DIAPH2: variants seen among roughly 807,000 people sequenced by gnomAD.
DIAPH2 encodes the protein diaphanous related formin 2, also known as protein diaphanous homolog 2.
In DIAPH2, 35 loss-of-function variants were observed where a neutral mutation model predicts 92.7. The ratio of observed to expected loss-of-function variants is 0.38; its 90% CI spans 0.29 to 0.50. The LOEUF is 0.50. Among genes scored for constraint, DIAPH2 ranks in the 20% least tolerant of loss-of-function variants. DIAPH2 has a pLI of 0.94. For synonymous variants in DIAPH2, 301 were observed against 280.4 expected (o/e 1.07, Z -0.73); for missense variants, 701 against 819.5 (o/e 0.86, Z 1.77).
intron 22 of DIAPH2, among the ~76,000 whole-genome samples, chrX:97,216,006 G>A (rs1200254277): frequency 8.9e-6 from 1 of 112,072 alleles, no homozygotes; most frequent in Non-Finnish European, 1.9e-5. Flanking sequence ...TAATGTCAGA[G>A]ACTTATTCAC....
chrX:96,789,224 T>C (rs1446234250), intron 4 of DIAPH2, among the ~76,000 whole-genome samples: 1 of 111,785 alleles, frequency 8.9e-6, no homozygotes, highest in East Asian at 2.8e-4. Context: ...GCAATATATG[T>C]GTGATGCACC....
intron 23 of DIAPH2, among the ~76,000 whole-genome samples, chrX:97,321,408 TAATA>T (rs2068892871): frequency 9.0e-6 from 1 of 110,877 alleles, no homozygotes; most frequent in Non-Finnish European, 1.9e-5. Context: ...TTATTTGCTT[TAATA>T]AATTATTATT....
At chrX:97,428,441 A>G (rs2070093011) in intron 25 of DIAPH2, among the ~76,000 whole-genome samples, 1 of 109,046 alleles carries the variant, frequency 9.2e-6, no homozygotes, top group East Asian at 2.9e-4. Context: ...AGACAGGAGA[A>G]TCGCTTGAAC....
At chrX:96,699,311 T>TA (rs1219316236) in intron 1 of DIAPH2, among the ~76,000 whole-genome samples, 2 of 112,150 alleles carry the variant, frequency 1.8e-5, no homozygotes, top group African/African-American at 6.5e-5. Context: ...GGCTTCGTGT[T>TA]ACGGATAAAT....
At chrX:96,942,439 T>C (rs1180555752) in intron 13 of DIAPH2, among the ~76,000 whole-genome samples, 1 of 111,243 alleles carries the variant, frequency 9.0e-6, no homozygotes, top group Non-Finnish European at 1.9e-5. Flanking sequence ...TGCATTACTA[T>C]TTAGAAACAT....
intron 26 of DIAPH2, among the ~76,000 whole-genome samples, chrX:97,552,535 A>C (rs946113899): frequency 2.0e-5 from 2 of 98,120 alleles, no homozygotes; most frequent in African/African-American, 7.4e-5. Flanking sequence ...TTCACTCATT[A>C]CTCTTTTGTT....
intron 4 of DIAPH2, among the ~76,000 whole-genome samples, chrX:96,800,721 T>C (rs1218605965): frequency 8.9e-6 from 1 of 112,429 alleles, no homozygotes; most frequent in Non-Finnish European, 1.9e-5. Context: ...TTGTAATTTA[T>C]GTATAGCTTT....
intron 22 of DIAPH2, among the ~76,000 whole-genome samples, chrX:97,176,694 A>AT (rs1360769585): frequency 9.1e-5 from 10 of 110,284 alleles, no homozygotes; most frequent in Non-Finnish European, 1.7e-4. Flanking sequence ...TGCCCGGCTA[A>AT]TTTTTTGTAT....
In DIAPH2 at chrX:97,404,004, C is replaced by T. The variant is rs369916033; in HGVS notation, c.3145+19960C>T. ...GTGTAGCTGGGATTACAGGCATGCA[C>T]CACCACGCCTAGCTAATTTTGTATT... On this transcript the variant is annotated intron_variant, in intron 25 of 26. Coordinates refer to ENST00000324765, the MANE Select transcript of DIAPH2 (RefSeq NM_006729.5). 2.7e-5 allele frequency among the ~76,000 whole-genome samples: 3 copies of T among 110,276 alleles called. No individual in the cohort carries two copies. In the East Asian group the frequency reaches 8.5e-4, roughly 31 times the overall value.
At chrX:97,384,527 C>T (rs1388959945) in intron 25 of DIAPH2, among the ~76,000 whole-genome samples, 1 of 111,717 alleles carries the variant, frequency 9.0e-6, no homozygotes, top group Admixed American at 9.6e-5. Context: ...TCTTGCACAG[C>T]TATAAACCTA....
chrX:97,572,263 G>A (rs1335481629), intron 26 of DIAPH2, among the ~76,000 whole-genome samples: 1 of 111,293 alleles, frequency 9.0e-6, no homozygotes. Flanking sequence ...ATTCACTGAT[G>A]AGAAGTAAAC....
At chrX:97,160,418 T>C (rs1192495608) in intron 22 of DIAPH2, among the ~76,000 whole-genome samples, 1 of 112,639 alleles carries the variant, frequency 8.9e-6, no homozygotes, top group Non-Finnish European at 1.9e-5. Context: ...GCAAGCTGGC[T>C]TAATGATTGC....
chrX:96,736,217 A>T lies in DIAPH2; in HGVS notation c.165+427A>T, dbSNP rs941933114. On this transcript the variant is annotated intron_variant, in intron 2 of 26. Coordinates refer to ENST00000324765, the MANE Select transcript of DIAPH2 (RefSeq NM_006729.5). ...CCAGTATTTTAAAGCTGAATTTGTC[A>T]TAGTATATCTTTTTAAAAGTTATGG... Among the ~76,000 whole-genome samples the T allele has an allele frequency of 3.6e-5, 4 of 111,655 alleles. No homozygotes were observed. The South Asian group carries it at 1.5e-3, about 42-fold the overall frequency.
At chrX:97,331,233 A>G (rs2068999041) in intron 23 of DIAPH2, among the ~76,000 whole-genome samples, 1 of 112,105 alleles carries the variant, frequency 8.9e-6, no homozygotes, top group Non-Finnish European at 1.9e-5. Context: ...GAAAGAAAAG[A>G]AAAGAAATGT....
intron 17 of DIAPH2, among the ~76,000 whole-genome samples, chrX:97,061,826 A>C (rs914276061): frequency 9.2e-6 from 1 of 108,327 alleles, no homozygotes; most frequent in Admixed American, 9.9e-5. Context: ...AAAAAAAAAA[A>C]AAAAAAAAAC....
chrX:97,096,023 G>A (rs2066866535), intron 19 of DIAPH2, among the ~76,000 whole-genome samples: 3 of 112,114 alleles, frequency 2.7e-5, no homozygotes. Context: ...AATATGCACA[G>A]TAGTAAGCAG....
intron 26 of DIAPH2, among the ~76,000 whole-genome samples, chrX:97,471,553 G>T (rs1023754917): frequency 9.2e-6 from 1 of 109,248 alleles, no homozygotes; most frequent in African/African-American, 3.3e-5. Context: ...TCAGCCGGGC[G>T]TGGTGGTGTG....
intron 24 of DIAPH2, among the ~76,000 whole-genome samples, chrX:97,371,175 A>G (rs955604570): frequency 9.0e-6 from 1 of 111,438 alleles, no homozygotes; most frequent in Non-Finnish European, 1.9e-5. Context: ...AAACCTAAAC[A>G]TTATTAAATG....
At chrX:96,881,517 A>G in intron 4 of DIAPH2, 62 bp from the exon 5 acceptor site, 1 of 986,448 alleles carries the variant, frequency 1.0e-6, no homozygotes, top group Non-Finnish European at 1.4e-6. Flanking sequence ...TATTCTATGC[A>G]TTATTTTACT....
Sources: allele counts gnomAD v4.1 joint callset (sites outside exome capture counted in the v4.1 genomes callset), GRCh38; gene constraint gnomAD v4.1.1; transcripts MANE v1.5; gene names NCBI Gene and HGNC (gene_info 2026-07-23, HGNC 2026-07-21).